The following ZMAT4 variants were observed in gnomAD, a reference collection of about 807,000 sequenced individuals.
The protein encoded by ZMAT4 is zinc finger matrin-type protein 4.
A neutral mutation model predicts 28.7 loss-of-function variants in ZMAT4; 17 were observed. The observed-to-expected ratio is 0.59, with a 90% confidence interval of 0.41 to 0.89. The LOEUF (loss-of-function observed/expected upper bound fraction) is 0.89, where lower values mean the gene tolerates loss of function less well. ZMAT4 is among the 40% of genes least tolerant of loss of function. The probability of loss-of-function intolerance (pLI) is 0.00; values close to 1 mark genes in which losing one functional copy is unlikely to be tolerated. For missense variants in ZMAT4, 240 were observed against 283.8 expected (o/e 0.85, Z 1.11); for synonymous variants, 117 against 109.2 (o/e 1.07, Z -0.44).
At chr8:40,746,026 A>G (rs758166089) in intron 3 of ZMAT4, among the ~76,000 whole-genome samples, 2 of 152,042 alleles carry the variant, frequency 1.3e-5, no homozygotes, top group African/African-American at 4.8e-5. Context: ...TGGTCTCACC[A>G]TCTTCGCAGC....
At chr8:40,707,181 C>A (rs931826872) in intron 3 of ZMAT4, among the ~76,000 whole-genome samples, 1 of 151,908 alleles carries the variant, frequency 6.6e-6, no homozygotes, top group Non-Finnish European at 1.5e-5. Context: ...ACAGCTGATG[C>A]TTCCTCACTC....
chr8:40,804,227 A>G (rs973266216), intron 2 of ZMAT4, among the ~76,000 whole-genome samples: 3 of 152,196 alleles, frequency 2.0e-5, no homozygotes, highest in African/African-American at 7.2e-5. Flanking sequence ...GAGGTAAACT[A>G]TGGACTCTGA....
chr8:40,587,494 A>T (rs542218440), intron 5 of ZMAT4, among the ~76,000 whole-genome samples: 1 of 152,358 alleles, frequency 6.6e-6, no homozygotes, highest in Admixed American at 6.5e-5. Context: ...TAGCAGCACA[A>T]GAATGGCTCG....
chr8:40,585,910 C>T (rs1804657514), intron 5 of ZMAT4, among the ~76,000 whole-genome samples: 1 of 152,184 alleles, frequency 6.6e-6, no homozygotes, highest in Non-Finnish European at 1.5e-5. Context: ...AGAGGTTCAG[C>T]TTGCAATAGG....
chr8:40,614,750 G>A (rs763072551), intron 5 of ZMAT4, among the ~76,000 whole-genome samples: 3 of 152,048 alleles, frequency 2.0e-5, no homozygotes, highest in Non-Finnish European at 4.4e-5. Flanking sequence ...ATTGCAACCC[G>A]TGCTGTTTTA....
intron 5 of ZMAT4, among the ~76,000 whole-genome samples, chr8:40,599,365 T>A (rs1805216034): frequency 6.6e-6 from 1 of 151,892 alleles, no homozygotes; most frequent in Non-Finnish European, 1.5e-5. Context: ...CACATACATA[T>A]GTATACACAG....
intron 6 of ZMAT4, among the ~76,000 whole-genome samples, chr8:40,565,670 G>A (rs1036773376): frequency 3.3e-5 from 5 of 151,648 alleles, no homozygotes; most frequent in African/African-American, 4.8e-5. Flanking sequence ...GAACCACCAC[G>A]CCTGGTCATT....
intron 3 of ZMAT4, among the ~76,000 whole-genome samples, chr8:40,716,301 G>T (rs1810852110): frequency 6.6e-6 from 1 of 152,162 alleles, no homozygotes; most frequent in African/African-American, 2.4e-5. Context: ...ATGGGGAGGG[G>T]ATCAAGCCCT....
At chr8:40,718,268 T>A (rs932085914) in intron 3 of ZMAT4, among the ~76,000 whole-genome samples, 4 of 152,196 alleles carry the variant, frequency 2.6e-5, no homozygotes, top group African/African-American at 9.7e-5. Flanking sequence ...GCGTCAGCAG[T>A]GTCACCAGCC....
chr8:40,695,658 G>A (rs1034621450), intron 4 of ZMAT4, among the ~76,000 whole-genome samples: 3 of 152,018 alleles, frequency 2.0e-5, no homozygotes, highest in Non-Finnish European at 2.9e-5. Context: ...AATTACACTC[G>A]AGTTCTATTT....
chr8:40,837,220 C>T lies in ZMAT4; in HGVS notation c.-4-11540G>A, dbSNP rs191854834. ...ATGATGGACACAGTTCCAGGCCTGG[C>T]CCTTAAAAACCTGCTGTTTGATCTA... On this transcript the variant is annotated intron_variant, in intron 1 of 6. Coordinates refer to ENST00000297737, the MANE Select transcript of ZMAT4 (RefSeq NM_024645.3). Among the ~76,000 whole-genome samples the T allele has an allele frequency of 1.4e-3, 206 of 152,302 alleles. 3 individuals carry two copies. Among genetic ancestry groups the T allele is most frequent in the Middle Eastern group, 3.4e-3 (1 of 294 alleles).
intron 2 of ZMAT4, among the ~76,000 whole-genome samples, chr8:40,796,653 G>T (rs568171385): frequency 1.0e-3 from 156 of 152,204 alleles, no homozygotes; most frequent in African/African-American, 3.7e-3. Context: ...TTCCCTCCCC[G>T]GCTCCGCCCC....
intron 5 of ZMAT4, among the ~76,000 whole-genome samples, chr8:40,661,918 A>C (rs559460535): frequency 3.3e-5 from 5 of 152,298 alleles, no homozygotes; most frequent in South Asian, 2.1e-4. Context: ...GTTTCACATG[A>C]TATTGTCAGC....
At chr8:40,669,333 A>C (rs928178136) in intron 5 of ZMAT4, among the ~76,000 whole-genome samples, 6 of 152,174 alleles carry the variant, frequency 3.9e-5, no homozygotes, top group South Asian at 2.1e-4. Flanking sequence ...TACTGAAATA[A>C]AAGCAAGCAA....
chr8:40,871,264 A>G (rs147317845), intron 1 of ZMAT4, among the ~76,000 whole-genome samples: 83 of 152,332 alleles, frequency 5.4e-4, no homozygotes, highest in Non-Finnish European at 6.9e-4. Flanking sequence ...GAAGATTAGT[A>G]CAATTCTATG....
At chr8:40,688,638 A>G (rs1809526754) in intron 4 of ZMAT4, among the ~76,000 whole-genome samples, 1 of 152,156 alleles carries the variant, frequency 6.6e-6, no homozygotes, top group South Asian at 2.1e-4. Flanking sequence ...AAAATCACTT[A>G]GCAGGAAATC....
At chr8:40,894,011 C>A (rs908858179) in intron 1 of ZMAT4, among the ~76,000 whole-genome samples, 1 of 152,208 alleles carries the variant, frequency 6.6e-6, no homozygotes, top group African/African-American at 2.4e-5. Context: ...TTGATCCTTT[C>A]CAACTATTAA....
At chr8:40,675,994 A>C (rs1808891603) in intron 4 of ZMAT4, among the ~76,000 whole-genome samples, 1 of 152,204 alleles carries the variant, frequency 6.6e-6, no homozygotes, top group South Asian at 2.1e-4. Context: ...CAAACAAACA[A>C]AAAAGAGCCT....
At chr8:40,868,263 G>A (rs1817739497) in intron 1 of ZMAT4, among the ~76,000 whole-genome samples, 1 of 152,100 alleles carries the variant, frequency 6.6e-6, no homozygotes, top group Admixed American at 6.5e-5. Context: ...AGGACCACAG[G>A]ATATCAGGAG....
Sources: gnomAD v4.1 joint callset for allele counts (sites outside exome capture counted in the v4.1 genomes callset) on GRCh38, gnomAD v4.1.1 for gene constraint, MANE v1.5 for transcripts, NCBI Gene and HGNC (gene_info 2026-07-23, HGNC 2026-07-21) for gene names.